PNPLA1: variants seen among roughly 807,000 people sequenced by gnomAD.
The protein encoded by PNPLA1 is patatin like domain 1, omega-hydroxyceramide transacylase, also known as omega-hydroxyceramide transacylase.
Under a neutral mutation model 51.7 loss-of-function variants are expected in PNPLA1, and 36 were observed. That is an observed-to-expected ratio of 0.70 (90% confidence interval 0.53 to 0.92). PNPLA1 has a LOEUF of 0.92. Among genes scored for constraint, PNPLA1 ranks in the 40% least tolerant of loss-of-function variants. The pLI is 0.00. For synonymous variants in PNPLA1, 293 were observed against 280.1 expected, an observed-to-expected ratio of 1.05 and a Z score of -0.46; for missense variants, 658 against 682.5, an observed-to-expected ratio of 0.96 and a Z score of 0.40.
chr6:36,264,850 A>G (rs939952899), intron 1 of PNPLA1, among the ~76,000 whole-genome samples: 1 of 152,248 alleles, frequency 6.6e-6, no homozygotes. Flanking sequence ...GAAGCCAGCA[A>G]GCTTCTCAAC....
At chr6:36,279,752 G>T (rs1368107103) in intron 1 of PNPLA1, among the ~76,000 whole-genome samples, 2 of 152,172 alleles carry the variant, frequency 1.3e-5, no homozygotes, top group African/African-American at 4.8e-5. Context: ...TGCATTCCTG[G>T]CCCAGTGCTT....
At chr6:36,285,451 C>A (rs1770458870) in intron 1 of PNPLA1, among the ~76,000 whole-genome samples, 1 of 152,240 alleles carries the variant, frequency 6.6e-6, no homozygotes, top group Non-Finnish European at 1.5e-5. Context: ...GAACGGCATC[C>A]TCAGCAGCTT....
At chr6:36,250,163 G>A (rs1366190515) in intron 1 of PNPLA1, among the ~76,000 whole-genome samples, 3 of 152,152 alleles carry the variant, frequency 2.0e-5, no homozygotes, top group Non-Finnish European at 4.4e-5. Flanking sequence ...GTTCTGCCAT[G>A]TGATCATGCT....
chr6:36,282,897 C>A (rs1165130914), intron 1 of PNPLA1, among the ~76,000 whole-genome samples: 1 of 152,148 alleles, frequency 6.6e-6, no homozygotes, highest in East Asian at 1.9e-4. Context: ...CTTGGCCAGG[C>A]TGGTCTTGAA....
rs373137683 is a variant in PNPLA1, at chr6:36,270,565, C to T, written c.106C>T (p.Arg36Trp). The T allele has an allele frequency of 2.2e-5, 34 of 1,551,594 alleles. No homozygotes were observed. In the East Asian group the frequency reaches 5.4e-4, roughly 25 times the overall value. ...CCAGGCGGGGGCTGTGGACGCCCTG[C>T]GGGACCTGGCCCCCCGGATGCTGGA... is the stretch of plus-strand genomic sequence containing the variant. Reference protein sequence around the residue: ...FYQAGAVDALRDLAPRMLETA... With the variant: ...FYQAGAVDALWDLAPRMLETA... Residue 36 changes from arginine to tryptophan, a missense_variant, in exon 1 of 9, where the codon CGG becomes TGG. Physicochemically the swap from Arg to Trp is moderately radical, Grantham distance 101 (BLOSUM62 -3). Coordinates refer to ENST00000636260, the MANE Select transcript of PNPLA1 (RefSeq NM_001374623.1).
rs761075511 is a variant in PNPLA1 at position 36,302,147 on chromosome 6, T to G, written c.1062T>G (p.Pro354=). 23 of 1,614,130 alleles carry G rather than the reference T, an allele frequency of 1.4e-5. No homozygotes were observed. The East Asian group carries it at 5.1e-4, about 36-fold the overall frequency. Residue 354 remains proline, a synonymous_variant, in exon 6 of 9, where the codon CCT becomes CCG. Coordinates refer to ENST00000636260, the MANE Select transcript of PNPLA1 (RefSeq NM_001374623.1). ...SAPVSPLEQP[P]AQPLASSTPL... ...CAGTCTCTCCACTTGAGCAGCCACC[T>G]GCACAGCCACTGGCCTCTTCAACTC... is the stretch of plus-strand genomic sequence containing the variant.
At chr6:36,274,014 CT>C (rs1290613879) in intron 1 of PNPLA1, among the ~76,000 whole-genome samples, 1 of 152,104 alleles carries the variant, frequency 6.6e-6, no homozygotes, top group Non-Finnish European at 1.5e-5. Context: ...GTTTATGAGA[CT>C]TGTCAATGTC....
chr6:36,280,562 C>T (rs1381679968), intron 1 of PNPLA1, among the ~76,000 whole-genome samples: 1 of 152,172 alleles, frequency 6.6e-6, no homozygotes, highest in African/African-American at 2.4e-5. Context: ...GCCCAGCAGC[C>T]TTTGGAGGGT....
chr6:36,291,592 C>CGGGGGGGGGGGGACAGGGGGGGGGG, intron 2 of PNPLA1, 40 bp downstream of exon 2: 1 of 105,182 alleles, frequency 9.5e-6, no homozygotes, highest in South Asian at 6.4e-5. Context: ...ACGGAGGGGG[C>CGGGGGGGGGGGGACAGGGGGGGGGG]GGGGGAGGGC....
At chr6:36,304,250 G>T (rs557696103) in intron 6 of PNPLA1, among the ~76,000 whole-genome samples, 151 of 152,214 alleles carry the variant, frequency 9.9e-4, no homozygotes, top group African/African-American at 3.5e-3. Flanking sequence ...TCACAGATCG[G>T]CAATGTCTCC....
chr6:36,301,271 C>T (rs1328211404), intron 5 of PNPLA1, among the ~76,000 whole-genome samples: 1 of 152,138 alleles, frequency 6.6e-6, no homozygotes, highest in Non-Finnish European at 1.5e-5. Context: ...GTGACCTTCT[C>T]AGAACCAGCC....
intron 1 of PNPLA1, 139 bp from the exon 2 acceptor site, chr6:36,291,181 G>A: frequency 1.5e-6 from 1 of 659,066 alleles, no homozygotes; most frequent in South Asian, 1.9e-5. Context: ...GCCGATTCCT[G>A]GGGTTTTCCC....
intron 1 of PNPLA1, 47 bp downstream of exon 1, chr6:36,270,711 C>T: frequency 6.5e-7 from 1 of 1,540,068 alleles, no homozygotes. Flanking sequence ...TGGGGGATTC[C>T]ACAGAGACAG....
At chr6:36,308,244 G>A (rs114437563) in intron 8 of PNPLA1, 2 of 152,296 alleles carry the variant, frequency 1.3e-5, no homozygotes, top group Non-Finnish European at 2.9e-5. Flanking sequence ...AGGCTTGATG[G>A]TGTGCACCTG....
Position 36,291,566 on chromosome 6 carries a change from GCTGGGAGGGAGGGA to G in PNPLA1, c.438+16_438+29del. The stretch of plus-strand genomic sequence containing the variant: ...GAGCTCATTGAGGCAAGGGGGCTGG[GCTGGGAGGGAGGGA>G]CACGGAGGGGGCGGGGGAGGGCGGC... On this transcript the variant is annotated intron_variant, in intron 2 of 8. Coordinates refer to ENST00000636260, the MANE Select transcript of PNPLA1 (RefSeq NM_001374623.1). 1 of 1,226,760 alleles carries G rather than the reference GCTGGGAGGGAGGGA, an allele frequency of 8.2e-7. No homozygotes were observed. Among genetic ancestry groups the G allele is most frequent in the Non-Finnish European group, 1.2e-6 (1 of 856,688 alleles). 76.0% of individuals were successfully genotyped at this position (1,226,760 alleles called of 1,614,324 possible).
At chr6:36,297,056 A>G (rs536635203) in intron 5 of PNPLA1, among the ~76,000 whole-genome samples, 4 of 152,300 alleles carry the variant, frequency 2.6e-5, no homozygotes, top group African/African-American at 9.6e-5. Flanking sequence ...AGTCCTAGCC[A>G]CAGTCAGTCC....
chr6:36,282,928 C>A (rs1216763328), intron 1 of PNPLA1, among the ~76,000 whole-genome samples: 1 of 152,144 alleles, frequency 6.6e-6, no homozygotes, highest in African/African-American at 2.4e-5. Context: ...CGTGATCTGC[C>A]CACCTTGGCC....
At chr6:36,285,246 C>G (rs1582068601) in intron 1 of PNPLA1, among the ~76,000 whole-genome samples, 3 of 152,220 alleles carry the variant, frequency 2.0e-5, no homozygotes, top group South Asian at 2.1e-4. Flanking sequence ...CCAGGGGCTG[C>G]TGCGCCCCCT....
At chr6:36,279,172 AG>A (rs767821343) in intron 1 of PNPLA1, among the ~76,000 whole-genome samples, 3 of 152,250 alleles carry the variant, frequency 2.0e-5, no homozygotes, top group Non-Finnish European at 4.4e-5. Context: ...CAGGCTTCAA[AG>A]GGATCTTGCA....
Sources: gnomAD v4.1 joint callset for allele counts (sites outside exome capture counted in the v4.1 genomes callset) on GRCh38, gnomAD v4.1.1 for gene constraint, MANE v1.5 for transcripts, NCBI Gene and HGNC (gene_info 2026-07-23, HGNC 2026-07-21) for gene names.